THAP8: variants seen among roughly 807,000 people sequenced by gnomAD.
The protein encoded by THAP8 is THAP domain-containing protein 8.
THAP8 carries 24 observed loss-of-function variants against 25.0 expected under a neutral mutation model. The observed-to-expected ratio is 0.96, with a 90% CI of 0.69 to 1.35. The LOEUF (loss-of-function observed/expected upper bound fraction) is 1.35, where lower values mean the gene tolerates loss of function less well. THAP8 is among the 40% of genes most tolerant of loss of function. The pLI is 0.00. For synonymous variants in THAP8, 169 were observed against 157.6 expected (o/e 1.07, Z -0.54); for missense variants, 399 against 368.8 (o/e 1.08, Z -0.67).
At chr19:36,035,787 A>C (rs1030229987) in intron 3 of THAP8, among the ~76,000 whole-genome samples, 195 bp from the exon 4 acceptor site, 2 of 151,814 alleles carry the variant, frequency 1.3e-5, no homozygotes, top group Non-Finnish European at 2.9e-5. Context: ...GAAAGGAAAG[A>C]AGGGTGGGGA....
At chr19:36,054,649 C>T (rs539484808), upstream of THAP8, 23 of 554,724 alleles carry the variant, frequency 4.1e-5, no homozygotes, top group African/African-American at 3.6e-4. Flanking sequence ...GGTGAGGCGG[C>T]CGTGGCCTTA....
intron 1 of THAP8, among the ~76,000 whole-genome samples, chr19:36,043,798 GA>G (rs1969783649): frequency 6.6e-6 from 1 of 152,186 alleles, no homozygotes; most frequent in Non-Finnish European, 1.5e-5. Context: ...TGAGGCAGAA[GA>G]ATTACTTGAA....
rs186057150 is a variant in THAP8, at chr19:36,038,667, C to T, written c.672+656G>A. On this transcript the variant is annotated intron_variant, in intron 3 of 3. Transcript: ENST00000292894. ...GAGATCGAGACCATCCTGGCTAACA[C>T]GGTGAAACCCTGTCTGTACTAAAAA... 1.1e-4 allele frequency among the ~76,000 whole-genome samples: 17 copies of T among 152,196 alleles called. No individual in the cohort carries two copies. In the East Asian group the frequency reaches 1.4e-3, roughly 12 times the overall value.
chr19:36,054,385 C>A, upstream of THAP8: 6 of 760,248 alleles, frequency 7.9e-6, no homozygotes, highest in South Asian at 1.0e-4. Context: ...TACTAGGCGC[C>A]CCTCCACAGT....
Position 36,039,588 on chromosome 19 carries a change from G to A in THAP8, c.407C>T (p.Thr136Ile). Residue 136 changes from threonine (T) to isoleucine (I), a missense_variant, in exon 3 of 4, where the codon ACA becomes ATA. By Grantham distance (89) the Thr-to-Ile change is moderately conservative. Transcript: ENST00000292894. ...GGCCACAGTCTTGGGGCTCCCCGAT[G>A]TGGGGCCCAGCACCACTAGGCGCAC... ...GPVRLVVLGP[T>I]SGSPKTVATM... 1 of 1,512,882 alleles carries A rather than the reference G, an allele frequency of 6.6e-7. No individual in the cohort carries two copies. The highest frequency in any genetic ancestry group is 1.3e-5 in the South Asian group (1 of 78,750). 93.7% of individuals were successfully genotyped at this position (1,512,882 alleles called of 1,614,324 possible). A position where few individuals can be genotyped will look rare whatever the true frequency, so the allele number is the denominator to read the frequency against.
chr19:36,044,868 T>G (rs1159170746), intron 1 of THAP8, among the ~76,000 whole-genome samples: 3 of 151,952 alleles, frequency 2.0e-5, no homozygotes, highest in African/African-American at 7.3e-5. Context: ...GGAGAGAGGG[T>G]AAACATAGGC....
At chr19:36,051,849 C>CACCTGAGTAGCT (rs1970064378) in intron 1 of THAP8, among the ~76,000 whole-genome samples, 1 of 152,178 alleles carries the variant, frequency 6.6e-6, no homozygotes, top group Non-Finnish European at 1.5e-5. Flanking sequence ...AGGTGAGTGG[C>CACCTGAGTAGCT]AGGCAGGTGA....
In THAP8 at chr19:36,039,841, G is replaced by A. The variant is rs1005309060; in HGVS notation, c.276+103C>T. The stretch of plus-strand genomic sequence containing the variant: ...TAAGGCCAGACCTCAGGGAGGAAGT[G>A]TCGTCAGGAGGGGAGGGCCAAAGTT... On this transcript the variant is annotated intron_variant, in intron 2 of 3. Coordinates refer to ENST00000292894, the MANE Select transcript of THAP8 (RefSeq NM_152658.3). 4 of 1,571,478 alleles carry A rather than the reference G, an allele frequency of 2.5e-6. No individual in the cohort carries two copies. The Admixed American group carries it at 5.9e-5, about 23-fold the overall frequency.
Position 36,039,952 on chromosome 19 carries a change from G to A in THAP8, c.268C>T (p.Pro90Ser). ...AVPSIFSRGPPAKSQRRTRST... is the reference protein window; with the variant it reads ...AVPSIFSRGPSAKSQRRTRST... ...GACCTCCCAGCGCTCACCTTGGCAG[G>A]TGGTCCCCGGGAGAAGATGGAGGGC... Residue 90 changes from proline to serine, a missense_variant, in exon 2 of 4, where the codon CCT (proline) becomes TCT (serine). Transcript: ENST00000292894. 2 of 1,612,840 alleles carry A rather than the reference G, an allele frequency of 1.2e-6. No homozygotes were observed. Among genetic ancestry groups the A allele is most frequent in the Non-Finnish European group, 1.7e-6 (2 of 1,179,906 alleles).
In THAP8 at chr19:36,039,451, G is replaced by T; in HGVS notation, c.544C>A (p.Arg182Ser). ...CACCGTTGCAGCCTCCGCACCCGGC[G>T]TTGCAGTGCTCCCAGCACTGGGCCC... ...GLGPVLGALQ[R>S]RVRRLQRCQE... is the part of the protein sequence containing the mutation. Residue 182 changes from arginine (R) to serine (S), a missense_variant, in exon 3 of 4, where the codon CGC (arginine) becomes AGC (serine). Transcript: ENST00000292894. 6.3e-7 allele frequency: 1 copy of T among 1,597,672 alleles called. No individual in the cohort carries two copies.
intron 3 of THAP8, among the ~76,000 whole-genome samples, chr19:36,038,802 G>T (rs1969571720): frequency 6.7e-6 from 1 of 150,212 alleles, no homozygotes; most frequent in Non-Finnish European, 1.5e-5. Flanking sequence ...AGTGAGCCGA[G>T]ATTGCACTAC....
chr19:36,054,076 C>T, intron 1 of THAP8, 59 bp downstream of exon 1: 1 of 1,568,704 alleles, frequency 6.4e-7, no homozygotes, highest in Non-Finnish European at 8.7e-7. Flanking sequence ...CACTAATGCT[C>T]GGGCCCCACC....
rs1452843423 is a variant in THAP8 at position 36,039,628 on chromosome 19, G to A, written c.367C>T (p.Pro123Ser). Residue 123 changes from proline to serine, a missense_variant, in exon 3 of 4, where the codon CCA becomes TCA. Pro to Ser is a moderately conservative substitution (Grantham distance 74). Coordinates refer to ENST00000292894, the MANE Select transcript of THAP8 (RefSeq NM_152658.3). ...ACTAGGCGCACTGGGCCAGAGACTG[G>A]GATGGCAGGGCTCTGGGGCAGGGGT... ...NTPLPQSPAI[P>S]VSGPVRLVVL... is the part of the protein sequence containing the mutation. 4.0e-6 allele frequency: 6 copies of A among 1,508,556 alleles called. No homozygotes were observed. In the African/African-American group the frequency reaches 7.0e-5, roughly 18 times the overall value. 93.4% of individuals were successfully genotyped at this position (1,508,556 alleles called of 1,614,324 possible). A position where few individuals can be genotyped will look rare whatever the true frequency, so the allele number is the denominator to read the frequency against.
At chr19:36,041,473 G>A (rs1010608481) in intron 1 of THAP8, among the ~76,000 whole-genome samples, 3 of 152,174 alleles carry the variant, frequency 2.0e-5, no homozygotes, top group South Asian at 4.1e-4. Flanking sequence ...ACTTAGAGGT[G>A]TGGGCAGGGC....
intron 1 of THAP8, among the ~76,000 whole-genome samples, chr19:36,049,048 G>A (rs2145455653): frequency 6.6e-6 from 1 of 151,848 alleles, no homozygotes; most frequent in African/African-American, 2.4e-5. Context: ...TGACCCCATT[G>A]CCACTGTCCC....
In THAP8 at chr19:36,044,330, A is replaced by G. The variant is rs111707325; in HGVS notation, c.84-4194T>C. ...TTTCATATTTTTCTTAAAACTAACC[A>G]ATTTTAACTATTAAACAAAGATACT... On this transcript the variant is annotated intron_variant, in intron 1 of 3. Transcript: ENST00000292894. Among the ~76,000 whole-genome samples the G allele has an allele frequency of 1.3e-3, 191 of 152,268 alleles. 1 individual carries two copies. Among genetic ancestry groups the G allele is most frequent in the African/African-American group, 4.5e-3 (187 of 41,582 alleles).
At chr19:36,048,985 CTT>C in intron 1 of THAP8, among the ~76,000 whole-genome samples, 1 of 151,752 alleles carries the variant, frequency 6.6e-6, no homozygotes. Flanking sequence ...TATTGCAGGA[CTT>C]TGTTACTACC....
chr19:36,052,121 T>C (rs941445019), intron 1 of THAP8, among the ~76,000 whole-genome samples: 17 of 152,090 alleles, frequency 1.1e-4, no homozygotes, highest in African/African-American at 3.9e-4. Flanking sequence ...CTCGGCTCAC[T>C]GCAACCTCTG....
rs1969608541 is a variant in THAP8 at position 36,039,560 on chromosome 19, G to T, written c.435C>A (p.Thr145=). The change falls in exon 3 of 4, where the codon ACC becomes ACA. Residue 145 remains threonine (T), a synonymous_variant. Coordinates refer to ENST00000292894, the MANE Select transcript of THAP8 (RefSeq NM_152658.3). The part of the protein sequence containing the change: ...PTSGSPKTVA[T]MLLTPLAPAP... ...CAGGGGCCAGGGGGGTCAGGAGCATGGTGGCCACAGTCTTGGGGCTCCCCG... is the reference window on the plus strand; with the variant it reads ...CAGGGGCCAGGGGGGTCAGGAGCATTGTGGCCACAGTCTTGGGGCTCCCCG... 4.6e-6 allele frequency: 7 copies of T among 1,521,958 alleles called. No individual in the cohort carries two copies. Among genetic ancestry groups the T allele is most frequent in the Middle Eastern group, 1.7e-4 (1 of 5,834 alleles). The allele number at this position is 1,521,958 out of a possible 1,614,324, so 94.3% of individuals were successfully genotyped here. A position where few individuals can be genotyped will look rare whatever the true frequency, so the allele number is the denominator to read the frequency against.
Sources: gnomAD v4.1 joint callset for allele counts (sites outside exome capture counted in the v4.1 genomes callset) on GRCh38, gnomAD v4.1.1 for gene constraint, MANE v1.5 for transcripts, NCBI Gene and HGNC (gene_info 2026-07-23, HGNC 2026-07-21) for gene names.